Variants in FOXN3 observed in about 807,000 individuals in gnomAD.
FOXN3 encodes the protein forkhead box N3, also known as forkhead box protein N3.
A neutral mutation model predicts 38.4 loss-of-function variants in FOXN3; 7 were observed. That is an observed-to-expected ratio of 0.18 (90% CI 0.10 to 0.34). FOXN3 has a LOEUF of 0.34. Among genes scored for constraint, FOXN3 ranks in the 10% least tolerant of loss-of-function variants. The pLI is 1.00. For synonymous variants in FOXN3, 230 were observed against 242.2 expected (o/e 0.95, Z 0.47); for missense variants, 456 against 613.4 (o/e 0.74, Z 2.71).
intron 3 of FOXN3, among the ~76,000 whole-genome samples, chr14:89,296,630 C>A (rs1163413755): frequency 6.6e-6 from 1 of 152,120 alleles, no homozygotes; most frequent in East Asian, 1.9e-4. Context: ...TGCCCAGGGG[C>A]CCCAGGGATA....
At position 89,412,398 on chromosome 14, in the gene FOXN3, C is replaced by T. The variant is rs760238339; in HGVS notation, c.79G>A (p.Gly27Arg). The change falls in exon 2 of 6, where the codon GGG (glycine) becomes AGG (arginine). Residue 27 changes from glycine (G) to arginine (R), a missense_variant. Coordinates refer to ENST00000557258, the MANE Select transcript of FOXN3 (RefSeq NM_005197.4). This position sits in a 1 kb window ranked among gnomAD's most constrained non-coding sequence, Gnocchi z 4.7. ...SVSSGLSQCY[G>R]GSGFSKALQE... Reference sequence around the variant, plus strand: ...AGGGCCTTGGAGAAACCGCTGCCCCCGTAACACTGACTCAGTCCACTGGAG... The same window carrying T: ...AGGGCCTTGGAGAAACCGCTGCCCCTGTAACACTGACTCAGTCCACTGGAG... The T allele has an allele frequency of 7.4e-6, 12 of 1,614,032 alleles. No homozygotes were observed. The highest frequency in any genetic ancestry group is 5.3e-5 in the African/African-American group (4 of 74,906).
At chr14:89,280,073 C>A (rs1886413650) in intron 4 of FOXN3, among the ~76,000 whole-genome samples, 1 of 152,182 alleles carries the variant, frequency 6.6e-6, no homozygotes, top group African/African-American at 2.4e-5. Flanking sequence ...CAGCCAAACT[C>A]ATCCACATTT....
At chr14:89,560,361 G>A (rs1895223023) in intron 1 of FOXN3, among the ~76,000 whole-genome samples, 2 of 152,282 alleles carry the variant, frequency 1.3e-5, no homozygotes, top group Admixed American at 6.5e-5. Context: ...CTGCGGCCAT[G>A]TACAGCCCCT....
chr14:89,182,762 C>T (rs1887705972), intron 4 of FOXN3, among the ~76,000 whole-genome samples: 1 of 152,066 alleles, frequency 6.6e-6, no homozygotes, highest in South Asian at 2.1e-4. Context: ...CACTCTCATA[C>T]TGGCGTAAGT....
chr14:89,177,758 C>T (rs1469454248), intron 5 of FOXN3, among the ~76,000 whole-genome samples: 1 of 152,096 alleles, frequency 6.6e-6, no homozygotes, highest in African/African-American at 2.4e-5. Flanking sequence ...GCAGTTTTTC[C>T]AGCACTTGCA....
At chr14:89,595,118 C>T (rs1378878559) in intron 1 of FOXN3, among the ~76,000 whole-genome samples, 4 of 150,984 alleles carry the variant, frequency 2.6e-5, no homozygotes, top group Non-Finnish European at 5.9e-5. Context: ...AGATCAAGAC[C>T]ATCCTGGCTA....
chr14:89,281,291 T>C (rs770529056), intron 3 of FOXN3, among the ~76,000 whole-genome samples: 1 of 152,208 alleles, frequency 6.6e-6, no homozygotes, highest in Non-Finnish European at 1.5e-5. Flanking sequence ...CAAATTCACA[T>C]GGTTTAACGG....
chr14:89,599,420 A>G lies in FOXN3; in HGVS notation c.-15+19608T>C, dbSNP rs77500058. On this transcript the variant is annotated intron_variant, in intron 1 of 6. Transcript: ENST00000345097. Reference sequence around the variant, plus strand: ...AGTTCCAGAAGGTCCATTTGGTCTTATTTACAATTTTCAGTTCTCTGGCAG... The same window carrying G: ...AGTTCCAGAAGGTCCATTTGGTCTTGTTTACAATTTTCAGTTCTCTGGCAG... 9.6e-3 allele frequency among the ~76,000 whole-genome samples: 1,465 copies of G among 152,188 alleles called. 15 individuals carry two copies. Among genetic ancestry groups the G allele is most frequent in the African/African-American group, 0.033 (1,378 of 41,502 alleles).
Position 89,240,394 on chromosome 14 carries a change from T to C in FOXN3, c.745+40556A>G, listed in dbSNP as rs1447696058. The stretch of plus-strand genomic sequence containing the variant: ...ACAACAGAATATCACTTTTAACCAA[T>C]AGTGAAGACATGTGTGCAAAGATAC... On this transcript the variant is annotated intron_variant, in intron 4 of 5. Transcript: ENST00000557258. 2.6e-5 allele frequency among the ~76,000 whole-genome samples: 4 copies of C among 152,180 alleles called. No individual in the cohort carries two copies. In the East Asian group the frequency reaches 5.8e-4, roughly 22 times the overall value.
In FOXN3 at chr14:89,314,437, A is replaced by T. The variant is rs201412932; in HGVS notation, c.681-33423T>A. 6.6e-4 allele frequency among the ~76,000 whole-genome samples: 6 copies of T among 9,028 alleles called. No homozygotes were observed. The East Asian group carries it at 0.012, about 18-fold the overall frequency. The allele number at this position is 9,028 out of a possible 152,430, so 5.9% of individuals were successfully genotyped here. On this transcript the variant is annotated intron_variant, in intron 3 of 5. Coordinates refer to ENST00000557258, the MANE Select transcript of FOXN3 (RefSeq NM_005197.4). ...TTTAACTCTGGTCACTTGTTTTGTCAGCTTCATTTCTTATCTCAGCTCAAC... is the reference window on the plus strand; with the variant it reads ...TTTAACTCTGGTCACTTGTTTTGTCTGCTTCATTTCTTATCTCAGCTCAAC...
intron 4 of FOXN3, among the ~76,000 whole-genome samples, chr14:89,213,597 C>T (rs1198913959): frequency 3.9e-5 from 6 of 152,210 alleles, no homozygotes; most frequent in African/African-American, 1.4e-4. Context: ...TAAGTCACCT[C>T]TCTGTTTTGG....
intron 4 of FOXN3, among the ~76,000 whole-genome samples, chr14:89,268,956 G>A (rs139799158): frequency 2.9e-4 from 44 of 152,256 alleles, no homozygotes; most frequent in Middle Eastern, 3.4e-3. Context: ...GCAAAACACA[G>A]AGACAAAAGT....
intron 5 of FOXN3, 64 bp downstream of exon 5, chr14:89,180,637 C>A: frequency 8.3e-7 from 1 of 1,211,320 alleles, no homozygotes; most frequent in East Asian, 2.7e-5. Context: ...GAAGGGACCC[C>A]GTGGACAGAA....
chr14:89,361,916 GCAC>G (rs1159609088), intron 2 of FOXN3, among the ~76,000 whole-genome samples: 7 of 94 alleles, frequency 0.074, 3 homozygotes, highest in Non-Finnish European at 0.18. Context: ...ACCACCTCCA[GCAC>G]CACCACCTCC....
At chr14:89,582,683 T>C (rs1238765553) in intron 1 of FOXN3, among the ~76,000 whole-genome samples, 1 of 152,082 alleles carries the variant, frequency 6.6e-6, no homozygotes, top group Non-Finnish European at 1.5e-5. Flanking sequence ...GAATGCAATT[T>C]GATAGGTTTT....
At chr14:89,302,293 C>T (rs561562582) in intron 3 of FOXN3, among the ~76,000 whole-genome samples, 91 of 152,262 alleles carry the variant, frequency 6.0e-4, no homozygotes, top group Non-Finnish European at 1.0e-3. Context: ...AGAGTAATGT[C>T]ACTTCTTGGC....
At chr14:89,473,317 C>T (rs1007114587) in intron 1 of FOXN3, among the ~76,000 whole-genome samples, 2 of 151,854 alleles carry the variant, frequency 1.3e-5, no homozygotes, top group Non-Finnish European at 2.9e-5. Flanking sequence ...AGCCACCGTG[C>T]CCGGCCAGAA....
intron 1 of FOXN3, among the ~76,000 whole-genome samples, chr14:89,440,336 G>T (rs553071628): frequency 1.3e-5 from 2 of 152,284 alleles, no homozygotes; most frequent in Non-Finnish European, 2.9e-5. Flanking sequence ...TCAAACGCAT[G>T]GAGCAGAGAG....
chr14:89,170,088 T>C (rs1445308166), intron 5 of FOXN3, among the ~76,000 whole-genome samples: 3 of 152,216 alleles, frequency 2.0e-5, no homozygotes, highest in Non-Finnish European at 4.4e-5. Flanking sequence ...TGAGATCAGA[T>C]AGATTTCAAG....
Sources: gnomAD v4.1 joint callset for allele counts (sites outside exome capture counted in the v4.1 genomes callset) on GRCh38, gnomAD v4.1.1 for gene constraint, Gnocchi (gnomAD v3.1) non-coding constraint, MANE v1.5 for transcripts, NCBI Gene and HGNC (gene_info 2026-07-23, HGNC 2026-07-21) for gene names.